Variants in COL25A1 observed in about 807,000 individuals in gnomAD.
COL25A1 encodes the protein collagen alpha-1(XXV) chain.
Under a neutral mutation model 128.4 loss-of-function variants are expected in COL25A1, and 103 were observed. That is an observed-to-expected ratio of 0.80 (90% CI 0.68 to 0.94). The LOEUF is 0.94. Among genes scored for constraint, COL25A1 ranks in the 40% least tolerant of loss-of-function variants. The pLI, the probability that COL25A1 is intolerant of heterozygous loss-of-function variation, is 0.00. For synonymous variants in COL25A1, 279 were observed against 277.2 expected, an observed-to-expected ratio of 1.01 and a Z score of -0.06; for missense variants, 745 against 840.0, an observed-to-expected ratio of 0.89 and a Z score of 1.40.
chr4:108,974,933 T>G (rs1185350911), intron 6 of COL25A1, among the ~76,000 whole-genome samples: 1 of 152,216 alleles, frequency 6.6e-6, no homozygotes, highest in Non-Finnish European at 1.5e-5. Context: ...TTCTGACCCC[T>G]GACAATATAG....
intron 13 of COL25A1, among the ~76,000 whole-genome samples, chr4:108,914,047 T>C (rs993420659): frequency 6.6e-6 from 1 of 152,222 alleles, no homozygotes; most frequent in Non-Finnish European, 1.5e-5. Flanking sequence ...TTCAATATAA[T>C]TAGCCAAAGA....
chr4:108,984,484 G>C (rs556228446), intron 6 of COL25A1, among the ~76,000 whole-genome samples: 6 of 150,784 alleles, frequency 4.0e-5, no homozygotes, highest in Non-Finnish European at 8.8e-5. Context: ...GAGACCATGA[G>C]GGGGGCGGGA....
intron 3 of COL25A1, among the ~76,000 whole-genome samples, chr4:109,105,170 TC>T (rs1766305778): frequency 6.6e-6 from 1 of 152,158 alleles, no homozygotes; most frequent in Admixed American, 6.5e-5. Flanking sequence ...TTTATAATTT[TC>T]TGTAATAAAA....
At chr4:108,842,028 T>C (rs2125751522) in intron 30 of COL25A1, among the ~76,000 whole-genome samples, 1 of 152,274 alleles carries the variant, frequency 6.6e-6, no homozygotes, top group Middle Eastern at 3.4e-3. Context: ...CAAATTACCA[T>C]TACAAAGTCT....
intron 3 of COL25A1, among the ~76,000 whole-genome samples, chr4:109,217,003 A>T (rs1209768044): frequency 6.6e-6 from 1 of 151,896 alleles, no homozygotes; most frequent in African/African-American, 2.4e-5. Context: ...TTAGAGCAAC[A>T]GGTTACATTA....
At chr4:108,828,838 G>C (rs1271475778) in intron 32 of COL25A1, among the ~76,000 whole-genome samples, 1 of 152,140 alleles carries the variant, frequency 6.6e-6, no homozygotes, top group Non-Finnish European at 1.5e-5. Context: ...AGGTTCAGCT[G>C]ATAACAGTGC....
chr4:109,162,777 C>T (rs966010728), intron 3 of COL25A1, among the ~76,000 whole-genome samples: 1 of 152,174 alleles, frequency 6.6e-6, no homozygotes, highest in Non-Finnish European at 1.5e-5. Context: ...TGACAGAGAC[C>T]GGCCTCACTG....
At chr4:109,024,982 TG>T (rs1758118979) in intron 5 of COL25A1, among the ~76,000 whole-genome samples, 1 of 152,208 alleles carries the variant, frequency 6.6e-6, no homozygotes, top group Non-Finnish European at 1.5e-5. Flanking sequence ...CCACATCAAC[TG>T]GGGATCCCTG....
Position 108,810,340 on chromosome 4 carries a change from G to A in COL25A1, c.*3587C>T, listed in dbSNP as rs2125696459. The A allele has an allele frequency of 6.6e-6, 1 of 151,982 alleles. No homozygotes were observed. Among genetic ancestry groups the A allele is most frequent in the African/African-American group, 2.4e-5 (1 of 41,514 alleles). 9.4% of individuals were successfully genotyped at this position (151,982 alleles called of 1,614,324 possible). On this transcript the variant is annotated 3_prime_UTR_variant, in exon 38 of 38. Coordinates refer to ENST00000399132, the MANE Select transcript of COL25A1 (RefSeq NM_198721.4). ...CTATATAGATAGATAGTTAGACAAA[G>A]GACATGTAGTATAAACTAGTTGATG...
chr4:108,969,046 G>T (rs1197642166), intron 8 of COL25A1, among the ~76,000 whole-genome samples: 1 of 152,134 alleles, frequency 6.6e-6, no homozygotes, highest in African/African-American at 2.4e-5. Flanking sequence ...CAGGTCCTCA[G>T]TGTCAGCTGA....
intron 3 of COL25A1, among the ~76,000 whole-genome samples, chr4:109,119,063 A>T (rs1010222924): frequency 3.3e-5 from 5 of 151,750 alleles, no homozygotes; most frequent in African/African-American, 1.2e-4. Context: ...AAACAGCTAA[A>T]ACATCCCAAA....
chr4:108,970,419 G>T (rs1227906437), intron 8 of COL25A1, among the ~76,000 whole-genome samples: 2 of 151,938 alleles, frequency 1.3e-5, no homozygotes, highest in Non-Finnish European at 2.9e-5. Context: ...ATTTTTTAGG[G>T]TCCTTTTTAA....
intron 3 of COL25A1, among the ~76,000 whole-genome samples, chr4:109,188,679 A>G (rs1422562475): frequency 2.0e-5 from 3 of 152,178 alleles, no homozygotes; most frequent in Non-Finnish European, 4.4e-5. Flanking sequence ...TTATCTCAAG[A>G]TTGAGTAAAG....
chr4:109,055,597 T>C (rs1239382767), intron 3 of COL25A1, among the ~76,000 whole-genome samples: 3 of 152,190 alleles, frequency 2.0e-5, no homozygotes, highest in Non-Finnish European at 2.9e-5. Flanking sequence ...ATTTTATCAA[T>C]GACCCACCTT....
intron 13 of COL25A1, among the ~76,000 whole-genome samples, chr4:108,907,007 TG>T (rs1210268225): frequency 6.6e-6 from 1 of 152,352 alleles, no homozygotes; most frequent in East Asian, 1.9e-4. Context: ...GGGATGGCTC[TG>T]TCTCAGGAAC....
intron 10 of COL25A1, among the ~76,000 whole-genome samples, chr4:108,940,234 A>C (rs1229726760): frequency 6.6e-6 from 1 of 152,148 alleles, no homozygotes. Context: ...CCAATCAAAG[A>C]CTTCTTGAGG....
chr4:109,010,291 G>T, intron 6 of COL25A1, 67 bp downstream of exon 6: 3 of 1,176,058 alleles, frequency 2.6e-6, no homozygotes, highest in East Asian at 2.6e-5. Context: ...TGAAAGAATT[G>T]CAGAAAGACC....
intron 3 of COL25A1, among the ~76,000 whole-genome samples, chr4:109,231,148 T>TA (rs1262440713): frequency 2.6e-5 from 4 of 151,608 alleles, no homozygotes; most frequent in South Asian, 4.2e-4. Context: ...CTCAAAAAAA[T>TA]AAAAAAATAA....
At position 108,869,076 on chromosome 4, in the gene COL25A1, A is replaced by G. The variant is rs1202360537; in HGVS notation, c.1083+12T>C. ...AAAAGAAAGAAAGAAGGAAAGAAAG[A>G]GGCCCACTTACTTTTGTTCCTGGTA... On this transcript the variant is annotated intron_variant, in intron 20 of 37. Transcript: ENST00000399132. 6.5e-7 allele frequency: 1 copy of G among 1,532,278 alleles called. No homozygotes were observed. The highest frequency in any genetic ancestry group is 1.2e-5 in the South Asian group (1 of 84,474). 94.9% of individuals were successfully genotyped at this position (1,532,278 alleles called of 1,614,324 possible). A position where few individuals can be genotyped will look rare whatever the true frequency, so the allele number is the denominator to read the frequency against.
Sources: gnomAD v4.1 joint callset for allele counts (sites outside exome capture counted in the v4.1 genomes callset) on GRCh38, gnomAD v4.1.1 for gene constraint, MANE v1.5 for transcripts, NCBI Gene and HGNC (gene_info 2026-07-23, HGNC 2026-07-21) for gene names.